C6orf132: variants seen among roughly 807,000 people sequenced by gnomAD.
The protein encoded by C6orf132 is chromosome 6 open reading frame 132, also known as uncharacterized protein C6orf132.
Under a neutral mutation model 65.3 loss-of-function variants are expected in C6orf132, and 43 were observed. The observed-to-expected ratio is 0.66, with a 90% CI of 0.52 to 0.85. The LOEUF is 0.85. C6orf132 is among the 40% of genes least tolerant of loss of function. C6orf132 has a pLI of 0.00. For synonymous variants in C6orf132, 631 were observed against 654.1 expected (o/e 0.96, Z 0.54); for missense variants, 1,488 against 1,548.8 (o/e 0.96, Z 0.66).
In C6orf132 at chr6:42,124,367, G is replaced by T. The variant is rs927894347; in HGVS notation, c.252+4305C>A. On this transcript the variant is annotated intron_variant, in intron 2 of 4. Coordinates refer to ENST00000341865, the MANE Select transcript of C6orf132 (RefSeq NM_001164446.3). The surrounding 1 kb of genome is among the most constrained non-coding windows in gnomAD (Gnocchi z 4.0). Reference sequence around the variant, plus strand: ...GGGCAGAAGCGCCTGTTGCTGCCTTGTCTCCTTCTCTCTAGCTCTGTCCCC... The same window carrying T: ...GGGCAGAAGCGCCTGTTGCTGCCTTTTCTCCTTCTCTCTAGCTCTGTCCCC... Among the ~76,000 whole-genome samples, 1 of 152,246 alleles carries T rather than the reference G, an allele frequency of 6.6e-6. No individual in the cohort carries two copies. Among genetic ancestry groups the T allele is most frequent in the East Asian group, 1.9e-4 (1 of 5,190 alleles).
chr6:42,126,541 C>G (rs1766768107), intron 2 of C6orf132: 1 of 174,612 alleles, frequency 5.7e-6, no homozygotes, highest in Middle Eastern at 2.4e-3. Context: ...TAATTAACCT[C>G]CCAATATAGA....
In C6orf132 at chr6:42,132,524, T is replaced by TAAG. The variant is rs368964447; in HGVS notation, c.146-3749_146-3747dup. Among the ~76,000 whole-genome samples the TAAG allele has an allele frequency of 4.7e-3, 674 of 143,664 alleles. 3 individuals are homozygous for TAAG. The highest frequency in any genetic ancestry group is 0.018 in the African/African-American group (647 of 36,046). The allele number at this position is 143,664 out of a possible 152,430, so 94.2% of individuals were successfully genotyped here. On this transcript the variant is annotated intron_variant, in intron 1 of 4. Coordinates refer to ENST00000341865, the MANE Select transcript of C6orf132 (RefSeq NM_001164446.3). ...AGTAAGACTTTGTCTCAAAAAATAA[T>TAAG]AAGAAGAAGAAGAAGAAGAAGAAAA...
chr6:42,131,716 G>A (rs150940411), intron 1 of C6orf132, among the ~76,000 whole-genome samples: 1,747 of 152,308 alleles, frequency 0.011, 45 homozygotes, highest in African/African-American at 0.039. Context: ...CCAAGCAGGC[G>A]CTCTAACTGC....
intron 1 of C6orf132, among the ~76,000 whole-genome samples, chr6:42,135,503 G>A (rs867858723): frequency 2.6e-5 from 4 of 152,168 alleles, no homozygotes; most frequent in African/African-American, 4.8e-5. Flanking sequence ...CTCCCCGAGC[G>A]GAGGAGCCTC....
chr6:42,131,952 G>A (rs1766859867), intron 1 of C6orf132, among the ~76,000 whole-genome samples: 2 of 152,218 alleles, frequency 1.3e-5, no homozygotes. Context: ...AAGAGGAGTG[G>A]GTAGGGGTCA....
chr6:42,127,143 T>C (rs77743806), intron 2 of C6orf132, among the ~76,000 whole-genome samples: 8,695 of 152,082 alleles, frequency 0.057, 439 homozygotes, highest in Non-Finnish European at 0.083. Context: ...TTTGTAGAGA[T>C]GGGGTTGGGC....
chr6:42,116,222 C>T (rs960814581), intron 2 of C6orf132, among the ~76,000 whole-genome samples: 1 of 151,994 alleles, frequency 6.6e-6, no homozygotes, highest in African/African-American at 2.4e-5. Flanking sequence ...GCCACTGTGC[C>T]CAGCCTCTTT....
intron 2 of C6orf132, among the ~76,000 whole-genome samples, chr6:42,122,091 C>T (rs1766693807): frequency 6.6e-6 from 1 of 152,204 alleles, no homozygotes; most frequent in African/African-American, 2.4e-5. Context: ...GTTTCCCCAA[C>T]ACAGCCCCAC....
Position 42,103,305 on chromosome 6 carries a change from G to A in C6orf132, c.*456C>T. ...CGGTGCCCTGCACACCCACCAGACA[G>A]AGCTGGGCCTCAGCCCTTTGCAAGG... On this transcript the variant is annotated 3_prime_UTR_variant, in exon 5 of 5. Coordinates refer to ENST00000341865, the MANE Select transcript of C6orf132 (RefSeq NM_001164446.3). 1 of 397,610 alleles carries A rather than the reference G, an allele frequency of 2.5e-6. No homozygotes were observed. 24.6% of individuals were successfully genotyped at this position (397,610 alleles called of 1,614,324 possible). A position where few individuals can be genotyped will look rare whatever the true frequency, so the allele number is the denominator to read the frequency against.
chr6:42,142,110 C>A (rs1767044298), intron 1 of C6orf132, among the ~76,000 whole-genome samples, 190 bp downstream of exon 1: 1 of 152,196 alleles, frequency 6.6e-6, no homozygotes, highest in African/African-American at 2.4e-5. Context: ...GTTCCCCACA[C>A]CTCTCTCACC....
intron 2 of C6orf132, among the ~76,000 whole-genome samples, chr6:42,115,005 CA>C (rs772119981): frequency 0.011 from 1,115 of 99,058 alleles, 42 homozygotes; most frequent in Admixed American, 0.078. Context: ...GACTCTGTCT[CA>C]AAAAAAAAAA....
At chr6:42,122,051 C>G (rs1482176709) in intron 2 of C6orf132, among the ~76,000 whole-genome samples, 1 of 152,160 alleles carries the variant, frequency 6.6e-6, no homozygotes, top group East Asian at 1.9e-4. Context: ...AAGTTGGGAG[C>G]CAGTGAACAG....
In C6orf132 at chr6:42,106,661, C is replaced by A. The variant is rs1480398397; in HGVS notation, c.1251G>T (p.Leu417Phe). The change falls in exon 4 of 5, where the codon TTG (leucine) becomes TTT (phenylalanine). Residue 417 changes from leucine (L) to phenylalanine (F), a missense_variant. Coordinates refer to ENST00000341865, the MANE Select transcript of C6orf132 (RefSeq NM_001164446.3). The part of the protein sequence containing the change: ...APPLPPAAPP[L>F]PCAQKAAHPP... ...GATGGGCTGCCTTCTGAGCACAGGGCAAAGGAGGTGCAGCTGGGGGAAGTG... is the reference window on the plus strand; with the variant it reads ...GATGGGCTGCCTTCTGAGCACAGGGAAAAGGAGGTGCAGCTGGGGGAAGTG... The A allele has an allele frequency of 6.6e-7, 1 of 1,514,650 alleles. No homozygotes were observed. The highest frequency in any genetic ancestry group is 2.1e-5 in the Admixed American group (1 of 47,620). 93.8% of individuals were successfully genotyped at this position (1,514,650 alleles called of 1,614,324 possible).
At chr6:42,117,897 CTGAG>C (rs1475733946) in intron 2 of C6orf132, among the ~76,000 whole-genome samples, 30 of 122,908 alleles carry the variant, frequency 2.4e-4, no homozygotes, top group Admixed American at 2.4e-3. Context: ...GCACTCCAGC[CTGAG>C]TGACAGAGCA....
Position 42,128,034 on chromosome 6 carries a change from C to T in C6orf132, c.252+638G>A, listed in dbSNP as rs544175621. On this transcript the variant is annotated intron_variant, in intron 2 of 4. Transcript: ENST00000341865. The stretch of plus-strand genomic sequence containing the variant: ...CCGCCTCCTGGGTTCATGCCATTCT[C>T]CTGCCTCAGCCTCCCGAGTAGCTGG... 1.4e-3 allele frequency among the ~76,000 whole-genome samples: 212 copies of T among 151,510 alleles called. 3 individuals carry two copies. The highest frequency in any genetic ancestry group is 5.0e-3 in the African/African-American group (205 of 41,284).
chr6:42,110,306 A>C lies in C6orf132; in HGVS notation c.253-15T>G, dbSNP rs1002472536. 2.7e-5 allele frequency: 42 copies of C among 1,540,326 alleles called. No homozygotes were observed. In the African/African-American group the frequency reaches 5.4e-4, roughly 20 times the overall value. On this transcript the variant is annotated splice_polypyrimidine_tract_variant and intron_variant, in intron 2 of 4. Transcript: ENST00000341865. ...TCCTGGGCATTCTGAAAGAGACCAG[A>C]AAGAAATCAGGGGACAGGGAAAGAT...
chr6:42,113,795 G>A (rs528549217), intron 2 of C6orf132, among the ~76,000 whole-genome samples: 4 of 151,472 alleles, frequency 2.6e-5, no homozygotes, highest in African/African-American at 7.3e-5. Flanking sequence ...CAGCCTGGGC[G>A]ATAGAGCAAG....
chr6:42,115,676 G>A (rs980734236), intron 2 of C6orf132, among the ~76,000 whole-genome samples: 3 of 151,908 alleles, frequency 2.0e-5, no homozygotes, highest in South Asian at 2.1e-4. Context: ...TAAATAAAAC[G>A]GTTAAAACGG....
chr6:42,136,809 G>C (rs1473799324), intron 1 of C6orf132, among the ~76,000 whole-genome samples: 1 of 152,196 alleles, frequency 6.6e-6, no homozygotes, highest in Non-Finnish European at 1.5e-5. Flanking sequence ...CTGAAGATTC[G>C]ACTGGAGTGG....
Sources: allele counts gnomAD v4.1 joint callset (sites outside exome capture counted in the v4.1 genomes callset), GRCh38; gene constraint gnomAD v4.1.1; non-coding constraint Gnocchi (gnomAD v3.1); transcripts MANE v1.5; gene names NCBI Gene and HGNC (gene_info 2026-07-23, HGNC 2026-07-21).